The following PRMT8 variants were observed in gnomAD, a reference collection of about 807,000 sequenced individuals.
PRMT8 encodes protein arginine methyltransferase 8, also known as protein arginine N-methyltransferase 8.
Under a neutral mutation model 47.1 loss-of-function variants are expected in PRMT8, and 7 were observed. The observed-to-expected ratio is 0.15, with a 90% CI of 0.08 to 0.28. The LOEUF (loss-of-function observed/expected upper bound fraction) is 0.28. Ranked by LOEUF, PRMT8 falls within the 10% of genes least tolerant of loss-of-function variation. PRMT8 has a pLI of 1.00. For missense variants in PRMT8, 237 were observed against 505.4 expected, an observed-to-expected ratio of 0.47 and a Z score of 5.09; for synonymous variants, 188 against 186.5, an observed-to-expected ratio of 1.01 and a Z score of -0.07.
At chr12:3,567,845 G>T (rs867329055) in intron 4 of PRMT8, among the ~76,000 whole-genome samples, 1 of 152,134 alleles carries the variant, frequency 6.6e-6, no homozygotes, top group African/African-American at 2.4e-5. Context: ...AGGCCGAGGC[G>T]GGTAGATCAC....
intron 1 of PRMT8, among the ~76,000 whole-genome samples, chr12:3,448,410 A>T (rs913977708): frequency 2.6e-5 from 4 of 152,250 alleles, no homozygotes; most frequent in African/African-American, 9.6e-5. Flanking sequence ...AGGAAAATTT[A>T]AAAATTAGTT....
At chr12:3,386,946 G>C (rs1180156529) in intron 1 of PRMT8, among the ~76,000 whole-genome samples, 3 of 152,044 alleles carry the variant, frequency 2.0e-5, no homozygotes, top group Admixed American at 2.0e-4. Context: ...CTGACCTCAT[G>C]ATCCGCCCAC....
upstream of PRMT8, among the ~76,000 whole-genome samples, chr12:3,487,563 G>A (rs1048623660): frequency 6.6e-6 from 1 of 152,184 alleles, no homozygotes; most frequent in African/African-American, 2.4e-5. Flanking sequence ...TCTGGCGTTT[G>A]TGGGGCCTCT....
intron 1 of PRMT8, among the ~76,000 whole-genome samples, chr12:3,475,814 G>C (rs1166189238): frequency 6.6e-6 from 1 of 152,196 alleles, no homozygotes; most frequent in Non-Finnish European, 1.5e-5. Context: ...AAGGCGGCCT[G>C]GTGTCCCAGA....
rs1250407285 is a variant in PRMT8 at position 3,570,915 on chromosome 12, G to C, written c.712+1351G>C. Among the ~76,000 whole-genome samples the C allele has an allele frequency of 6.6e-6, 1 of 152,080 alleles. No homozygotes were observed. Among genetic ancestry groups the C allele is most frequent in the Non-Finnish European group, 1.5e-5 (1 of 68,016 alleles). On this transcript the variant is annotated intron_variant, in intron 6 of 9. Coordinates refer to ENST00000382622, the MANE Select transcript of PRMT8 (RefSeq NM_019854.5). This position sits in a 1 kb window ranked among gnomAD's most constrained non-coding sequence, Gnocchi z 5.5. Reference sequence around the variant, plus strand: ...TACCAAATGAGGACAGTGAGAGGCAGGGGGGCCCAGGTTAAATGCTTTGCA... The same window carrying C: ...TACCAAATGAGGACAGTGAGAGGCACGGGGGCCCAGGTTAAATGCTTTGCA...
chr12:3,562,669 T>A (rs1866656917), intron 4 of PRMT8, among the ~76,000 whole-genome samples: 1 of 152,216 alleles, frequency 6.6e-6, no homozygotes, highest in Admixed American at 6.5e-5. Context: ...ATCTGTGTCG[T>A]TAGCTTGAAA....
At chr12:3,426,966 A>G (rs1276873200) in intron 1 of PRMT8, among the ~76,000 whole-genome samples, 3 of 152,038 alleles carry the variant, frequency 2.0e-5, no homozygotes, top group African/African-American at 7.3e-5. Context: ...ATTACCAGAA[A>G]TTCTAGGGGT....
intron 1 of PRMT8, among the ~76,000 whole-genome samples, chr12:3,454,816 A>G (rs1864956732): frequency 6.6e-6 from 1 of 152,170 alleles, no homozygotes; most frequent in Non-Finnish European, 1.5e-5. Flanking sequence ...CTACAAGGTT[A>G]TAGTCACCCT....
chr12:3,413,989 G>A (rs1056537865), intron 1 of PRMT8, among the ~76,000 whole-genome samples: 1 of 152,024 alleles, frequency 6.6e-6, no homozygotes, highest in African/African-American at 2.4e-5. Context: ...AGATACAGAG[G>A]GATGACTGAT....
At chr12:3,511,970 A>G (rs957493711) in intron 1 of PRMT8, among the ~76,000 whole-genome samples, 4 of 152,194 alleles carry the variant, frequency 2.6e-5, no homozygotes, top group South Asian at 4.1e-4. Context: ...TTTGGGTACC[A>G]TGGCTGGTGC....
intron 1 of PRMT8, among the ~76,000 whole-genome samples, chr12:3,397,261 C>T (rs1463838916): frequency 5.3e-5 from 8 of 152,014 alleles, no homozygotes; most frequent in East Asian, 1.9e-4. Context: ...TGAGGAACTG[C>T]GTTCCTTTGG....
At chr12:3,546,544 T>A (rs904607793) in intron 2 of PRMT8, among the ~76,000 whole-genome samples, 2 of 152,226 alleles carry the variant, frequency 1.3e-5, no homozygotes, top group African/African-American at 4.8e-5. Context: ...GAGAATATTA[T>A]GACAATGTCG....
intron 1 of PRMT8, among the ~76,000 whole-genome samples, chr12:3,531,681 C>T (rs1037066337): frequency 3.3e-5 from 5 of 152,196 alleles, no homozygotes; most frequent in Admixed American, 6.5e-5. Flanking sequence ...GGGCGGCCTT[C>T]GCGTCAAGCG....
chr12:3,479,991 T>C (rs1306856369), intron 1 of PRMT8, among the ~76,000 whole-genome samples: 1 of 152,056 alleles, frequency 6.6e-6, no homozygotes, highest in African/African-American at 2.4e-5. Flanking sequence ...TTGTTCAGGG[T>C]CGCCTGGCAA....
Position 3,458,421 on chromosome 12 carries a change from G to A in PRMT8, c.48+76979G>A, listed in dbSNP as rs574989906. 2.0e-5 allele frequency among the ~76,000 whole-genome samples: 3 copies of A among 152,292 alleles called. No homozygotes were observed. The East Asian group carries it at 5.8e-4, about 29-fold the overall frequency. On this transcript the variant is annotated intron_variant, in intron 1 of 9. Transcript: ENST00000452611. ...AGGGCTCCTCACTCTTAACCCAAGT[G>A]GGTGCCAGAGAAAACTCCCACCTTG... is the stretch of plus-strand genomic sequence containing the variant.
rs1865658113 is a variant in PRMT8, at chr12:3,508,138, C to CT, written c.75+16441dup. 1.3e-5 allele frequency among the ~76,000 whole-genome samples: 2 copies of CT among 151,786 alleles called. No homozygotes were observed. The highest frequency in any genetic ancestry group is 4.1e-4 in the South Asian group (2 of 4,826). ...TTTCTTCTTTTTCTTACTGTTACAA[C>CT]TTTAAGATTTTTTTCTGCCCAGTTG... On this transcript the variant is annotated intron_variant, in intron 1 of 9. Transcript: ENST00000382622. This position sits in a 1 kb window ranked among gnomAD's most constrained non-coding sequence, Gnocchi z 4.9.
At chr12:3,432,069 AG>A (rs1449776762) in intron 1 of PRMT8, among the ~76,000 whole-genome samples, 1 of 152,092 alleles carries the variant, frequency 6.6e-6, no homozygotes, top group African/African-American at 2.4e-5. Context: ...AAGTCCCCCT[AG>A]AAGGGGTTGC....
At chr12:3,442,263 G>A (rs1864810841) in intron 1 of PRMT8, among the ~76,000 whole-genome samples, 1 of 152,124 alleles carries the variant, frequency 6.6e-6, no homozygotes, top group African/African-American at 2.4e-5. Flanking sequence ...AAGTCAAAGA[G>A]CTAACGATAG....
intron 1 of PRMT8, among the ~76,000 whole-genome samples, chr12:3,435,254 C>T (rs61909487): frequency 0.037 from 5,666 of 152,130 alleles, 161 homozygotes; most frequent in Non-Finnish European, 0.059. Flanking sequence ...TAGGCATGAG[C>T]CACCCGGTCC....
Sources: gnomAD v4.1 joint callset for allele counts (sites outside exome capture counted in the v4.1 genomes callset) on GRCh38, gnomAD v4.1.1 for gene constraint, Gnocchi (gnomAD v3.1) non-coding constraint, MANE v1.5 for transcripts, NCBI Gene and HGNC (gene_info 2026-07-23, HGNC 2026-07-21) for gene names.